The following DKK4 variants were observed in gnomAD, a reference collection of about 807,000 sequenced individuals.
The protein encoded by DKK4 is dickkopf-related protein 4.
DKK4 carries 15 observed loss-of-function variants against 14.5 expected under a neutral mutation model. That is an observed-to-expected ratio of 1.03 (90% CI 0.69 to 1.59). DKK4 has a LOEUF of 1.59. DKK4 is among the 40% of genes most tolerant of loss of function. The pLI is 0.00. For synonymous variants in DKK4, 89 were observed against 105.2 expected (o/e 0.85, Z 0.94); for missense variants, 272 against 280.3 (o/e 0.97, Z 0.21).
the DKK4 span, among the ~76,000 whole-genome samples, chr8:42,384,717 C>T: frequency 8.5e-5 from 13 of 152,244 alleles, no homozygotes; most frequent in East Asian, 2.1e-3. Context: ...TCGGAGGGAC[C>T]ACTAATCTGC....
At position 42,377,142 on chromosome 8, in the gene DKK4, T is replaced by G; in HGVS notation, c.-97A>C. On this transcript the variant is annotated 5_prime_UTR_variant, in exon 1 of 4. Coordinates refer to ENST00000220812, the MANE Select transcript of DKK4 (RefSeq NM_014420.3). The stretch of plus-strand genomic sequence containing the variant: ...GCAGAGCTTCCACTAAGCTGGCAGC[T>G]CAGCACGTCGTCTGTTTGTCACTGC... 1.1e-6 allele frequency: 1 copy of G among 934,966 alleles called. No individual in the cohort carries two copies. 57.9% of individuals were successfully genotyped at this position (934,966 alleles called of 1,614,324 possible).
At chr8:42,376,830 A>G (rs769594229) in intron 1 of DKK4, 105 bp downstream of exon 1, 2 of 919,652 alleles carry the variant, frequency 2.2e-6, no homozygotes, top group Non-Finnish European at 3.4e-6. Context: ...TTTACCTGCT[A>G]GGTAAGACAT....
chr8:42,387,344 C>CTTTTT, the DKK4 span, among the ~76,000 whole-genome samples: 63 of 44,910 alleles, frequency 1.4e-3, 9 homozygotes, highest in Non-Finnish European at 2.1e-3. Context: ...GAAGGCCAGT[C>CTTTTT]TTTTTTTTTT....
upstream of DKK4, among the ~76,000 whole-genome samples, chr8:42,379,016 T>C (rs62508035): frequency 1.3e-5 from 2 of 150,126 alleles, no homozygotes; most frequent in Admixed American, 6.6e-5. Context: ...TTTGGGAGGC[T>C]GAGGTGGATG....
At chr8:42,390,183 C>A in the DKK4 span, among the ~76,000 whole-genome samples, 1 of 151,846 alleles carries the variant, frequency 6.6e-6, no homozygotes. Context: ...CGTGAGCCAC[C>A]GCGCCCGGGG....
intron 1 of DKK4, 133 bp downstream of exon 1, chr8:42,376,802 A>T: frequency 1.4e-6 from 1 of 714,570 alleles, no homozygotes; most frequent in Admixed American, 2.6e-5. Context: ...TGCCCTCCCA[A>T]ATCCGAAACC....
At chr8:42,381,062 G>A (rs560561765), upstream of DKK4, among the ~76,000 whole-genome samples, 15 of 152,170 alleles carry the variant, frequency 9.9e-5, no homozygotes, top group South Asian at 8.3e-4. Flanking sequence ...GAGGTTGGGG[G>A]CCACTTAGGA....
intron 1 of DKK4, 71 bp from the exon 2 acceptor site, chr8:42,375,901 G>C: frequency 6.4e-7 from 1 of 1,558,908 alleles, no homozygotes; most frequent in South Asian, 1.2e-5. Context: ...ATTATTGAAG[G>C]CAGGAGGCGG....
upstream of DKK4, among the ~76,000 whole-genome samples, chr8:42,378,974 C>T (rs981715523): frequency 1.3e-5 from 2 of 148,748 alleles, no homozygotes; most frequent in Admixed American, 6.7e-5. Context: ...AAGTAGGCCG[C>T]GTGCGGTGGC....
chr8:42,380,624 AGAAAGAAAGAG>A (rs1217245681), upstream of DKK4, among the ~76,000 whole-genome samples: 1 of 143,898 alleles, frequency 6.9e-6, no homozygotes, highest in East Asian at 2.0e-4. Flanking sequence ...AAAAAGAGAA[AGAAAGAAAGAG>A]GAAAGAAAGT....
the DKK4 span, among the ~76,000 whole-genome samples, chr8:42,385,297 C>T: frequency 2.4e-4 from 37 of 152,010 alleles, no homozygotes; most frequent in Non-Finnish European, 4.3e-4. Flanking sequence ...GAGGCTGAGG[C>T]GGGAGGATCG....
At chr8:42,386,703 G>A in the DKK4 span, among the ~76,000 whole-genome samples, 2 of 152,150 alleles carry the variant, frequency 1.3e-5, no homozygotes, top group Non-Finnish European at 2.9e-5. Context: ...TTTTCAGGCT[G>A]ATCTTGAACT....
At chr8:42,388,551 CTTCTT>C in the DKK4 span, among the ~76,000 whole-genome samples, 1 of 147,140 alleles carries the variant, frequency 6.8e-6, no homozygotes, top group African/African-American at 2.7e-5. Context: ...CTTTTCTTTT[CTTCTT>C]TTATTTAATT....
chr8:42,375,600 C>T (rs749867697), intron 2 of DKK4, 80 bp downstream of exon 2: 10 of 1,548,154 alleles, frequency 6.5e-6, no homozygotes, highest in Non-Finnish European at 7.9e-6. Context: ...TTAGAGAGTG[C>T]CTACCCTGGA....
chr8:42,389,063 C>T, the DKK4 span, among the ~76,000 whole-genome samples: 1 of 152,190 alleles, frequency 6.6e-6, no homozygotes, highest in Admixed American at 6.5e-5. Flanking sequence ...CCCACCTCAG[C>T]CTCTCAAGTA....
chr8:42,380,763 AGAAAG>A (rs1824662727), upstream of DKK4, among the ~76,000 whole-genome samples: 1 of 149,360 alleles, frequency 6.7e-6, no homozygotes, highest in African/African-American at 2.5e-5. Context: ...AGAGAGAGAG[AGAAAG>A]AGGAAGAATG....
upstream of DKK4, among the ~76,000 whole-genome samples, chr8:42,378,044 T>C (rs1019028746): frequency 3.9e-5 from 6 of 152,234 alleles, no homozygotes; most frequent in African/African-American, 1.4e-4. Flanking sequence ...TGAAATTTCA[T>C]GTATTTCCAA....
upstream of DKK4, among the ~76,000 whole-genome samples, chr8:42,380,367 AAGAG>A (rs1309972216): frequency 1.4e-5 from 2 of 147,470 alleles, no homozygotes; most frequent in South Asian, 2.2e-4. Context: ...GAAAGAGAGA[AAGAG>A]AGACAGAGAA....
At chr8:42,388,860 C>T in the DKK4 span, among the ~76,000 whole-genome samples, 4 of 152,228 alleles carry the variant, frequency 2.6e-5, no homozygotes, top group East Asian at 3.8e-4. Context: ...TGAGCCACTG[C>T]GCCCAGCCAA....
Sources: allele counts gnomAD v4.1 joint callset (sites outside exome capture counted in the v4.1 genomes callset), GRCh38; gene constraint gnomAD v4.1.1; transcripts MANE v1.5; gene names NCBI Gene and HGNC (gene_info 2026-07-23, HGNC 2026-07-21).